HELZ2: variants seen among roughly 807,000 people sequenced by gnomAD.
The protein encoded by HELZ2 is 3'-5' exoribonuclease HELZ2.
Under a neutral mutation model 208.8 loss-of-function variants are expected in HELZ2, and 143 were observed. That is an observed-to-expected ratio of 0.68 (90% confidence interval 0.60 to 0.79). The LOEUF (loss-of-function observed/expected upper bound fraction) is 0.79. HELZ2 is among the 30% of genes least tolerant of loss of function. The pLI, the probability that HELZ2 is intolerant of heterozygous loss-of-function variation, is 0.00. For synonymous variants in HELZ2, 1,705 were observed against 1,693.7 expected (o/e 1.01, Z -0.16); for missense variants, 3,690 against 3,794.5 (o/e 0.97, Z 0.72).
At chr20:63,566,017 G>A (rs34830600) in exon 8 of HELZ2, 144,809 of 1,594,112 alleles carry the variant, frequency 0.091, 11,436 homozygotes, top group African/African-American at 0.39. Context: ...GCCGCTCCAC[G>A]CACTCACGGA....
chr20:63,562,933 G>A (rs772598206), exon 8 of HELZ2: 37 of 1,592,496 alleles, frequency 2.3e-5, no homozygotes, highest in Middle Eastern at 1.7e-4. Flanking sequence ...GAAGTGTGAC[G>A]GAGTCATTCT....
chr20:63,565,075 A>G lies in HELZ2; in HGVS notation c.3747T>C (p.Arg1249=), dbSNP rs375441327. The change falls in exon 8 of 19, where the codon CGT becomes CGC. Residue 1249 remains arginine (R), a synonymous_variant. Transcript: ENST00000467148. ...CGGCGGTGAGCCTCTCAAGCCCCAC[A>G]CGCTGCAGCCGGCCCTTCCGGAGGC... 4.5e-5 allele frequency: 71 copies of G among 1,562,616 alleles called. No individual in the cohort carries two copies. In the African/African-American group the frequency reaches 9.1e-4, roughly 20 times the overall value.
exon 14 of HELZ2, chr20:63,561,187 G>A (rs774705088): frequency 6.2e-7 from 1 of 1,613,066 alleles, no homozygotes; most frequent in Non-Finnish European, 8.5e-7. Flanking sequence ...TTTTGAGGCT[G>A]GCAGAGGCTG....
chr20:63,567,500 A>T, exon 6 of HELZ2: 7 of 1,557,946 alleles, frequency 4.5e-6, no homozygotes, highest in Non-Finnish European at 6.1e-6. Context: ...AGGCAACAGT[A>T]CTGCAGCGTG....
rs116272088 is a variant in HELZ2, at chr20:63,564,046, G to A, written c.4776C>T (p.Pro1592=). 5.9e-5 allele frequency: 95 copies of A among 1,603,810 alleles called. No homozygotes were observed. The African/African-American group carries it at 1.0e-3, about 17-fold the overall frequency. ...AGGCCAGGAGGTGCAGCCGCGTGTC[G>A]GGGGGACTGCCCCCGCCGCCGTGCA... Residue 1592 remains proline (P), a synonymous_variant, in exon 8 of 19, where the codon CCC becomes CCT. Coordinates refer to ENST00000467148, the Ensembl canonical transcript of HELZ2.
intron 18 of HELZ2, among the ~76,000 whole-genome samples, chr20:63,559,698 GAGTCAGGGTCAGGTGGGAGTC>G (rs1173795709): frequency 9.7e-5 from 9 of 92,838 alleles, no homozygotes; most frequent in East Asian, 9.2e-4. Context: ...CAGGTGGGAG[GAGTCAGGGTCAGGTGGGAGTC>G]AGTCAGGGTC....
chr20:63,560,126 G>A (rs376187067), intron 17 of HELZ2, 31 bp from the exon 19 acceptor site: 156 of 1,557,552 alleles, frequency 1.0e-4, no homozygotes, highest in Middle Eastern at 7.2e-4. Context: ...CCCTGCTGCC[G>A]CTGCGCCCAC....
exon 8 of HELZ2, chr20:63,564,985 C>T (rs777998717): frequency 1.6e-5 from 25 of 1,601,386 alleles, no homozygotes; most frequent in Middle Eastern, 1.7e-4. Context: ...CGATGCCCAG[C>T]GGGTAGTAGA....
At chr20:63,569,986 G>A (rs542082362) in intron 3 of HELZ2, 284 of 487,260 alleles carry the variant, frequency 5.8e-4, no homozygotes, top group Non-Finnish European at 8.0e-4. Context: ...TTTCACTCTT[G>A]TCGCCAGGCT....
chr20:63,572,268 G>A, exon 1 of HELZ2: 1 of 1,586,490 alleles, frequency 6.3e-7, no homozygotes, highest in Non-Finnish European at 8.6e-7. Context: ...GGGCAGTACA[G>A]CTGGGCCCCA....
intron 3 of HELZ2, chr20:63,570,224 T>C: frequency 1.8e-6 from 1 of 558,540 alleles, no homozygotes; most frequent in Non-Finnish European, 3.5e-6. Flanking sequence ...TCTCCCAAAG[T>C]GCTGGGATTA....
exon 8 of HELZ2, chr20:63,563,910 G>T (rs778543689): frequency 6.3e-7 from 1 of 1,594,768 alleles, no homozygotes; most frequent in Admixed American, 1.7e-5. Context: ...GCCTTGCGGA[G>T]GTCGCGGCCT....
intron 12 of HELZ2, 23 bp from the exon 14 acceptor site, chr20:63,561,489 C>A: frequency 1.3e-6 from 2 of 1,592,128 alleles, no homozygotes; most frequent in Non-Finnish European, 1.7e-6. Flanking sequence ...ACACAGTGAG[C>A]CCTGTCCACG....
chr20:63,564,432 C>A, exon 8 of HELZ2: 1 of 1,552,580 alleles, frequency 6.4e-7, no homozygotes, highest in Non-Finnish European at 8.7e-7. Context: ...TGCCTGATCA[C>A]CTCCTCCGCC....
chr20:63,569,348 A>G (rs1393330655), exon 4 of HELZ2: 2 of 1,604,120 alleles, frequency 1.2e-6, no homozygotes, highest in Non-Finnish European at 1.7e-6. Context: ...GGCGGTTGCC[A>G]GTGTGCCAGC....
Position 63,563,631 on chromosome 20 carries a change from C to T in HELZ2, c.5191G>A (p.Val1731Met), listed in dbSNP as rs752894392. The T allele has an allele frequency of 9.6e-5, 148 of 1,542,716 alleles. No homozygotes were observed. In the Admixed American group the frequency reaches 1.6e-3, roughly 17 times the overall value. Reference sequence around the variant, plus strand: ...TCCAGAGGCTGGGCCTTGAGCTGCACGGCCAGGTGCAGGCTGCGCGCCCGC... The same window carrying T: ...TCCAGAGGCTGGGCCTTGAGCTGCATGGCCAGGTGCAGGCTGCGCGCCCGC... Residue 1731 changes from valine (V) to methionine (M), a missense_variant, in exon 8 of 19, where the codon GTG becomes ATG. By Grantham distance (21) the Val-to-Met change is conservative. Coordinates refer to ENST00000467148, the Ensembl canonical transcript of HELZ2.
chr20:63,569,916 C>T (rs1426894154), intron 3 of HELZ2, among the ~76,000 whole-genome samples: 2 of 152,174 alleles, frequency 1.3e-5, no homozygotes, highest in Admixed American at 6.5e-5. Context: ...CCTCACCACC[C>T]ACTCTCCAGG....
rs1343096109 is a variant in HELZ2, at chr20:63,562,187, G to A, written c.6414C>T (p.Phe2138=). The A allele has an allele frequency of 5.0e-6, 8 of 1,611,918 alleles. No homozygotes were observed. The African/African-American group carries it at 1.1e-4, about 22-fold the overall frequency. ...GGATGTTGTAGGTCTGCCGCTCCAG[G>A]AACCTGCTGGGGATCACTGAGAGGG... The change falls in exon 10 of 19, where the codon TTC becomes TTT. Residue 2138 remains phenylalanine (F), a synonymous_variant. Transcript: ENST00000467148.
exon 8 of HELZ2, chr20:63,565,858 C>A: frequency 6.3e-7 from 1 of 1,598,198 alleles, no homozygotes; most frequent in Non-Finnish European, 8.5e-7. Flanking sequence ...CCACAGCCGC[C>A]TGCTCCTCGG....
Sources: gnomAD v4.1 joint callset for allele counts (sites outside exome capture counted in the v4.1 genomes callset) on GRCh38, gnomAD v4.1.1 for gene constraint, MANE v1.5 for transcripts, NCBI Gene and HGNC (gene_info 2026-07-23, HGNC 2026-07-21) for gene names.